GLT8D2: variants seen among roughly 807,000 people sequenced by gnomAD.
GLT8D2 encodes glycosyltransferase 8 domain containing 2.
Under a neutral mutation model 44.5 loss-of-function variants are expected in GLT8D2, and 45 were observed. That is an observed-to-expected ratio of 1.01 (90% CI 0.80 to 1.30). The LOEUF is 1.30. Ranked by LOEUF, GLT8D2 falls within the 50% of genes most tolerant of loss-of-function variation. The pLI is 0.00. For missense variants in GLT8D2, 400 were observed against 430.4 expected (o/e 0.93, Z 0.62); for synonymous variants, 156 against 157.2 (o/e 0.99, Z 0.06).
chr12:104,039,727 A>G (rs1187246567), intron 1 of GLT8D2, among the ~76,000 whole-genome samples: 1 of 152,250 alleles, frequency 6.6e-6, no homozygotes, highest in Non-Finnish European at 1.5e-5. Flanking sequence ...CCATTGTGGA[A>G]GACAGTGTGG....
At chr12:104,029,537 C>T (rs1422520369) in intron 1 of GLT8D2, among the ~76,000 whole-genome samples, 1 of 152,166 alleles carries the variant, frequency 6.6e-6, no homozygotes, top group East Asian at 1.9e-4. Context: ...GGTACTGAGA[C>T]AATGCTAATG....
chr12:104,003,629 C>T (rs1191729567), intron 4 of GLT8D2, among the ~76,000 whole-genome samples: 1 of 152,102 alleles, frequency 6.6e-6, no homozygotes, highest in Non-Finnish European at 1.5e-5. Context: ...CTTGCCTTTC[C>T]CCTTTCCCAT....
chr12:104,016,813 AAG>A lies in GLT8D2; in HGVS notation c.20-1710_20-1709del, dbSNP rs778082240. Among the ~76,000 whole-genome samples, 3 of 136,068 alleles carry A rather than the reference AAG, an allele frequency of 2.2e-5. No homozygotes were observed. The South Asian group carries it at 7.3e-4, about 33-fold the overall frequency. 89.3% of individuals were successfully genotyped at this position (136,068 alleles called of 152,430 possible). On this transcript the variant is annotated intron_variant, in intron 3 of 10. Coordinates refer to ENST00000360814, the MANE Select transcript of GLT8D2 (RefSeq NM_001384711.1). ...AAGGAAGGAAGGAAGGAAGGAAAGA[AAG>A]AAAGAGAAAGAAAAGAAAGAAAGAA...
intron 1 of GLT8D2, chr12:104,030,935 G>A: frequency 6.8e-7 from 1 of 1,476,926 alleles, no homozygotes; most frequent in East Asian, 2.3e-5. Flanking sequence ...CTATGAGTTT[G>A]ACATCTGCTT....
chr12:104,001,463 C>T (rs1201301310), intron 5 of GLT8D2, among the ~76,000 whole-genome samples: 1 of 152,126 alleles, frequency 6.6e-6, no homozygotes, highest in Non-Finnish European at 1.5e-5. Context: ...CCATGTTGAC[C>T]TTGCCAAATG....
In GLT8D2 at chr12:104,028,668, A is replaced by G. The variant is rs182212034; in HGVS notation, c.-163-7177T>C. 3.6e-4 allele frequency among the ~76,000 whole-genome samples: 55 copies of G among 152,330 alleles called. No individual in the cohort carries two copies. The East Asian group carries it at 9.6e-3, about 27-fold the overall frequency. Reference sequence around the variant, plus strand: ...CAATCAACATGTTAATAAGTAATTCAGGCAAAAAACCTCAATGAATGCTAA... The same window carrying G: ...CAATCAACATGTTAATAAGTAATTCGGGCAAAAAACCTCAATGAATGCTAA... On this transcript the variant is annotated intron_variant, in intron 1 of 10. Coordinates refer to ENST00000360814, the MANE Select transcript of GLT8D2 (RefSeq NM_001384711.1).
chr12:104,054,346 T>C (rs1387536650), upstream of GLT8D2, among the ~76,000 whole-genome samples: 1 of 152,156 alleles, frequency 6.6e-6, no homozygotes, highest in Non-Finnish European at 1.5e-5. Flanking sequence ...TAGCAGGATT[T>C]CCTTTATATG....
chr12:104,023,566 C>CT (rs925487670), intron 1 of GLT8D2, among the ~76,000 whole-genome samples: 53 of 152,072 alleles, frequency 3.5e-4, no homozygotes, highest in African/African-American at 1.1e-3. Context: ...TTAGAATTTC[C>CT]TTTTTTTTCT....
At position 104,007,405 on chromosome 12, in the gene GLT8D2, T is replaced by C. The variant is rs1479847100; in HGVS notation, c.113-4099A>G. Among the ~76,000 whole-genome samples, 15 of 152,152 alleles carry C rather than the reference T, an allele frequency of 9.9e-5. 1 individual carries two copies. Among genetic ancestry groups the C allele is most frequent in the Admixed American group, 9.8e-4 (15 of 15,258 alleles). On this transcript the variant is annotated intron_variant, in intron 4 of 10. Coordinates refer to ENST00000360814, the MANE Select transcript of GLT8D2 (RefSeq NM_001384711.1). Reference sequence around the variant, plus strand: ...GCATTTCTTGAAATTAACTACCAGGTACTGCATTTTGTGTAATTTAAGACA... The same window carrying C: ...GCATTTCTTGAAATTAACTACCAGGCACTGCATTTTGTGTAATTTAAGACA...
Position 104,019,674 on chromosome 12 carries a change from A to C in GLT8D2, c.-26T>G. 1 of 1,603,638 alleles carries C rather than the reference A, an allele frequency of 6.2e-7. No individual in the cohort carries two copies. Among genetic ancestry groups the C allele is most frequent in the Non-Finnish European group, 8.5e-7 (1 of 1,173,248 alleles). On this transcript the variant is annotated splice_region_variant and 5_prime_UTR_variant, in exon 3 of 11. Transcript: ENST00000360814. ...GTGTATTCACGCGGATAAGAACTGT[A>C]ACCTGTGGATTAAAGGAAAAAAAAT...
chr12:103,995,315 C>A (rs1192862227), intron 8 of GLT8D2, among the ~76,000 whole-genome samples: 1 of 152,210 alleles, frequency 6.6e-6, no homozygotes, highest in Non-Finnish European at 1.5e-5. Flanking sequence ...ATCTGACCCT[C>A]CAATACCTTT....
chr12:104,049,312 C>T (rs1881492696), intron 1 of GLT8D2: 5 of 151,382 alleles, frequency 3.3e-5, no homozygotes, highest in Admixed American at 1.3e-4. Flanking sequence ...ATATACCAGG[C>T]TTGTCCAATG....
intron 1 of GLT8D2, among the ~76,000 whole-genome samples, chr12:104,061,262 G>C (rs1280852382): frequency 6.6e-6 from 1 of 152,132 alleles, no homozygotes; most frequent in Non-Finnish European, 1.5e-5. Flanking sequence ...AATCTCTTTT[G>C]TCTTAAAAAT....
Position 104,016,872 on chromosome 12 carries a change from AAG to A in GLT8D2, c.20-1769_20-1768del, listed in dbSNP as rs1261265770. ...AAAGAAAGAAAGAAAGAAAGAAAGA[AAG>A]AAAGAAAGAAAAATAAAGAGAGAAA... is the stretch of plus-strand genomic sequence containing the variant. On this transcript the variant is annotated intron_variant, in intron 3 of 10. Coordinates refer to ENST00000360814, the MANE Select transcript of GLT8D2 (RefSeq NM_001384711.1). Among the ~76,000 whole-genome samples, 736 of 150,532 alleles carry A rather than the reference AAG, an allele frequency of 4.9e-3. 8 individuals are homozygous for A. Among genetic ancestry groups the A allele is most frequent in the African/African-American group, 8.9e-3 (361 of 40,542 alleles).
At chr12:104,021,173 T>C (rs756310060) in intron 2 of GLT8D2, among the ~76,000 whole-genome samples, 184 bp downstream of exon 2, 6 of 152,070 alleles carry the variant, frequency 3.9e-5, no homozygotes, top group South Asian at 4.1e-4. Context: ...GCTGGCAGAG[T>C]TCCCCCCTCA....
chr12:104,035,930 T>G (rs1879878195), intron 1 of GLT8D2, among the ~76,000 whole-genome samples: 1 of 152,144 alleles, frequency 6.6e-6, no homozygotes, highest in South Asian at 2.1e-4. Context: ...AAAGGTCAGG[T>G]TACCCACAAA....
At chr12:104,000,585 A>G (rs1050974453) in intron 5 of GLT8D2, among the ~76,000 whole-genome samples, 8 of 152,358 alleles carry the variant, frequency 5.3e-5, no homozygotes, top group African/African-American at 9.6e-5. Flanking sequence ...TAGACTGGAC[A>G]GCAAGAACTG....
chr12:103,993,586 T>C (rs1055799241), intron 9 of GLT8D2, 82 bp from the exon 10 acceptor site: 3 of 842,658 alleles, frequency 3.6e-6, no homozygotes, highest in Admixed American at 2.9e-5. Context: ...TTGTAAATGA[T>C]GTAAGACATT....
intron 8 of GLT8D2, among the ~76,000 whole-genome samples, chr12:103,995,450 C>T (rs955180377): frequency 4.6e-5 from 7 of 152,210 alleles, no homozygotes; most frequent in African/African-American, 1.7e-4. Flanking sequence ...TCCCCTCTAA[C>T]CATCTGCACA....
Sources: gnomAD v4.1 joint callset for allele counts (sites outside exome capture counted in the v4.1 genomes callset) on GRCh38, gnomAD v4.1.1 for gene constraint, MANE v1.5 for transcripts, NCBI Gene and HGNC (gene_info 2026-07-23, HGNC 2026-07-21) for gene names.